Variants in MTMR10 observed in about 807,000 individuals in gnomAD.
MTMR10 encodes the protein myotubularin related protein 10, also known as myotubularin-related protein 10.
A neutral mutation model predicts 88.1 loss-of-function variants in MTMR10; 56 were observed. The observed-to-expected ratio is 0.64, with a 90% CI of 0.51 to 0.79. The LOEUF (loss-of-function observed/expected upper bound fraction) is 0.79. Ranked by LOEUF, MTMR10 falls within the 30% of genes least tolerant of loss-of-function variation. The probability of loss-of-function intolerance (pLI) is 0.00; values close to 1 mark genes in which losing one functional copy is unlikely to be tolerated. For synonymous variants in MTMR10, 380 were observed against 340.9 expected (o/e 1.11, Z -1.26); for missense variants, 883 against 924.7 (o/e 0.95, Z 0.58).
At chr15:30,960,576 A>T (rs2063387765) in intron 7 of MTMR10, among the ~76,000 whole-genome samples, 1 of 152,206 alleles carries the variant, frequency 6.6e-6, no homozygotes, top group South Asian at 2.1e-4. Flanking sequence ...ATATTAAGCA[A>T]ATTCAATGTG....
At chr15:30,951,884 G>T in intron 12 of MTMR10, 84 bp downstream of exon 12, 1 of 1,149,760 alleles carries the variant, frequency 8.7e-7, no homozygotes, top group Non-Finnish European at 1.3e-6. Context: ...TAAAACTGAT[G>T]TGATTTACTT....
At chr15:30,929,739 T>TCATATATAATATATATGAAATATATAA in the MTMR10 span, among the ~76,000 whole-genome samples, 10 of 32,908 alleles carry the variant, frequency 3.0e-4, 1 homozygote, top group South Asian at 1.7e-3. Context: ...ATATAATATA[T>TCATATATAATATATATGAAATATATAA]TATATCATAT....
chr15:30,922,258 C>T, the MTMR10 span: 2 of 1,612,156 alleles, frequency 1.2e-6, no homozygotes, highest in African/African-American at 2.7e-5. Flanking sequence ...AACTTGAAAG[C>T]CTTTTGTCTC....
intron 13 of MTMR10, 26 bp downstream of exon 13, chr15:30,948,276 A>T: frequency 6.3e-7 from 1 of 1,595,466 alleles, no homozygotes; most frequent in Non-Finnish European, 8.5e-7. Flanking sequence ...TTAAAGACTG[A>T]TAAAAAGGCA....
chr15:30,955,494 A>T (rs371480137), intron 9 of MTMR10, among the ~76,000 whole-genome samples: 51 of 151,872 alleles, frequency 3.4e-4, no homozygotes, highest in African/African-American at 2.7e-4. Context: ...CTGGTCTCAA[A>T]CTCCTGACCT....
chr15:30,931,229 G>A, the MTMR10 span, among the ~76,000 whole-genome samples: 2 of 152,240 alleles, frequency 1.3e-5, no homozygotes, highest in African/African-American at 4.8e-5. Flanking sequence ...AGCTCAGAGA[G>A]TGAACACTTC....
chr15:30,982,844 G>C (rs2030670259), intron 2 of MTMR10, among the ~76,000 whole-genome samples: 1 of 152,208 alleles, frequency 6.6e-6, no homozygotes, highest in African/African-American at 2.4e-5. Flanking sequence ...ATGCTGAAGA[G>C]GAGCTGTCAT....
the MTMR10 span, chr15:30,927,994 C>G: frequency 2.0e-6 from 2 of 985,830 alleles, no homozygotes; most frequent in Non-Finnish European, 2.4e-6. Context: ...TCTGTAAAAG[C>G]CTTGACTATC....
chr15:30,983,700 G>A (rs2030744704), intron 2 of MTMR10, among the ~76,000 whole-genome samples: 2 of 152,166 alleles, frequency 1.3e-5, no homozygotes. Flanking sequence ...GGGACAGAGG[G>A]GTTTCCCTGG....
intron 6 of MTMR10, among the ~76,000 whole-genome samples, chr15:30,962,060 A>T (rs916637545): frequency 1.3e-5 from 2 of 151,816 alleles, no homozygotes; most frequent in African/African-American, 4.8e-5. Flanking sequence ...TCCTGTATCT[A>T]CTCGATTTTC....
intron 6 of MTMR10, among the ~76,000 whole-genome samples, chr15:30,965,288 T>C (rs2063459839): frequency 6.6e-6 from 1 of 152,224 alleles, no homozygotes; most frequent in Admixed American, 6.5e-5. Flanking sequence ...ACAAGATCTA[T>C]GTTAATAAAA....
the MTMR10 span, chr15:30,929,508 A>G: frequency 2.9e-5 from 17 of 576,378 alleles, no homozygotes; most frequent in Non-Finnish European, 3.5e-5. Context: ...AAATACATGT[A>G]TGTGTGTGCA....
At chr15:30,968,966 T>C (rs115079161) in intron 5 of MTMR10, among the ~76,000 whole-genome samples, 1,705 of 152,264 alleles carry the variant, frequency 0.011, 22 homozygotes, top group African/African-American at 0.038. Flanking sequence ...TTAAGACATA[T>C]GCAAGGAAAA....
Position 30,939,487 on chromosome 15 carries a change from C to T in MTMR10, c.*1983G>A. Reference sequence around the variant, plus strand: ...TCATAGTTGTTTTTCATATTATGCACAATAAACTGTAGCACAATAATCATG... The same window carrying T: ...TCATAGTTGTTTTTCATATTATGCATAATAAACTGTAGCACAATAATCATG... On this transcript the variant is annotated 3_prime_UTR_variant, in exon 16 of 16. Transcript: ENST00000435680. 5.1e-6 allele frequency: 5 copies of T among 984,884 alleles called. No homozygotes were observed. Among genetic ancestry groups the T allele is most frequent in the Non-Finnish European group, 4.8e-6 (4 of 829,478 alleles). 61.0% of individuals were successfully genotyped at this position (984,884 alleles called of 1,614,324 possible). A position where few individuals can be genotyped will look rare whatever the true frequency, so the allele number is the denominator to read the frequency against.
chr15:30,929,444 G>A, the MTMR10 span: 4,258 of 1,465,344 alleles, frequency 2.9e-3, 99 homozygotes, highest in African/African-American at 0.052. Context: ...AGTTAACACC[G>A]CCCCAGTGCT....
At chr15:30,928,592 G>C in the MTMR10 span, 3 of 1,611,272 alleles carry the variant, frequency 1.9e-6, no homozygotes, top group East Asian at 6.7e-5. Context: ...ACCCTGTATG[G>C]CCTCCTCCTG....
At chr15:30,977,280 T>C (rs751201596) in intron 2 of MTMR10, among the ~76,000 whole-genome samples, 3 of 152,226 alleles carry the variant, frequency 2.0e-5, no homozygotes, top group South Asian at 4.1e-4. Context: ...AGAAATAAAC[T>C]ACACCTGCTC....
Position 30,940,211 on chromosome 15 carries a change from CTG to C in MTMR10, c.*1257_*1258del. ...GGGGAGGTGGTGCCCCGTTTCACTG[CTG>C]TAAGAAGCTTCAGCTTTGACCGCTA... is the stretch of plus-strand genomic sequence containing the variant. On this transcript the variant is annotated 3_prime_UTR_variant, in exon 16 of 16. Coordinates refer to ENST00000435680, the MANE Select transcript of MTMR10 (RefSeq NM_017762.3). The C allele has an allele frequency of 1.0e-6, 1 of 985,160 alleles. No homozygotes were observed. Among genetic ancestry groups the C allele is most frequent in the Non-Finnish European group, 1.2e-6 (1 of 829,862 alleles). The allele number at this position is 985,160 out of a possible 1,614,324, so 61.0% of individuals were successfully genotyped here.
chr15:30,951,306 A>C (rs553076856), intron 12 of MTMR10, among the ~76,000 whole-genome samples: 1 of 152,320 alleles, frequency 6.6e-6, no homozygotes, highest in African/African-American at 2.4e-5. Flanking sequence ...ATGAGCCAGA[A>C]GGTATTTAAA....
Sources: gnomAD v4.1 joint callset for allele counts (sites outside exome capture counted in the v4.1 genomes callset) on GRCh38, gnomAD v4.1.1 for gene constraint, MANE v1.5 for transcripts, NCBI Gene and HGNC (gene_info 2026-07-23, HGNC 2026-07-21) for gene names.